The following OSBPL9 variants were observed in gnomAD, a reference collection of about 807,000 sequenced individuals.
OSBPL9 encodes oxysterol-binding protein-related protein 9.
OSBPL9 carries 40 observed loss-of-function variants against 106.6 expected under a neutral mutation model. The observed-to-expected ratio is 0.38, with a 90% CI of 0.29 to 0.49. OSBPL9 has a LOEUF of 0.49. Among genes scored for constraint, OSBPL9 ranks in the 20% least tolerant of loss-of-function variants. The probability of loss-of-function intolerance (pLI) is 0.97; values close to 1 mark genes in which losing one functional copy is unlikely to be tolerated. For synonymous variants in OSBPL9, 269 were observed against 295.4 expected, an observed-to-expected ratio of 0.91 and a Z score of 0.92; for missense variants, 609 against 887.2, an observed-to-expected ratio of 0.69 and a Z score of 3.98.
At chr1:51,720,330 C>CTT (rs1167647452) in intron 4 of OSBPL9, among the ~76,000 whole-genome samples, 9 of 144,222 alleles carry the variant, frequency 6.2e-5, no homozygotes, top group African/African-American at 1.8e-4. Context: ...TTCTTTTTCT[C>CTT]TTTTTTTTTT....
At chr1:51,683,983 GA>G (rs1017839084) in intron 3 of OSBPL9, among the ~76,000 whole-genome samples, 3 of 151,994 alleles carry the variant, frequency 2.0e-5, no homozygotes, top group Non-Finnish European at 4.4e-5. Context: ...TAGACAGGAG[GA>G]ATCAGTTCAA....
At chr1:51,687,687 G>A (rs1654107312) in intron 3 of OSBPL9, among the ~76,000 whole-genome samples, 1 of 152,190 alleles carries the variant, frequency 6.6e-6, no homozygotes. Context: ...AATGTAAGAA[G>A]TGTCCTATAT....
intron 2 of OSBPL9, among the ~76,000 whole-genome samples, chr1:51,656,953 A>G (rs1646857338): frequency 1.3e-5 from 2 of 152,092 alleles, no homozygotes; most frequent in African/African-American, 4.8e-5. Flanking sequence ...ATTGGAAATT[A>G]CAGGCACCAG....
At chr1:51,528,597 C>G in the OSBPL9 span, among the ~76,000 whole-genome samples, 1 of 151,696 alleles carries the variant, frequency 6.6e-6, no homozygotes, top group East Asian at 1.9e-4. Context: ...TCCAGCCCAG[C>G]ACAGTGGCTC....
chr1:51,617,095 AT>A lies in OSBPL9; in HGVS notation c.-14del. 4 of 1,592,496 alleles carry A rather than the reference AT, an allele frequency of 2.5e-6. No individual in the cohort carries two copies. The highest frequency in any genetic ancestry group is 3.4e-6 in the Non-Finnish European group (4 of 1,169,702). ...GAGTGACGTCAGGCCGTTTGTTGTC[AT>A]TGGCGGCTCCCAAGATGGCGTCCAT... On this transcript the variant is annotated 5_prime_UTR_variant, in exon 1 of 24. In the 5' UTR this introduces an upstream ATG that the reference lacks. Transcript: ENST00000428468.
chr1:51,588,985 TAAGCATGC>T (rs1387617027), intron 1 of OSBPL9, among the ~76,000 whole-genome samples: 1 of 152,198 alleles, frequency 6.6e-6, no homozygotes, highest in Non-Finnish European at 1.5e-5. Flanking sequence ...AGAGAGATAG[TAAGCATGC>T]AAAGGCTTAC....
chr1:51,654,933 A>C (rs1646727863), intron 2 of OSBPL9, among the ~76,000 whole-genome samples: 2 of 152,130 alleles, frequency 1.3e-5, no homozygotes, highest in African/African-American at 4.8e-5. Context: ...ATGGGGACTT[A>C]GTGTTTAATG....
At chr1:51,779,984 A>G (rs1675947422) in intron 15 of OSBPL9, among the ~76,000 whole-genome samples, 1 of 151,724 alleles carries the variant, frequency 6.6e-6, no homozygotes, top group Admixed American at 6.6e-5. Flanking sequence ...AGGCTGAGGC[A>G]GGAGAATGGC....
chr1:51,711,477 T>A (rs1389464303), intron 3 of OSBPL9, among the ~76,000 whole-genome samples: 1 of 93,726 alleles, frequency 1.1e-5, no homozygotes, highest in African/African-American at 3.8e-5. Flanking sequence ...CCCCCCCACC[T>A]CCCTCCCGGA....
intron 3 of OSBPL9, among the ~76,000 whole-genome samples, chr1:51,687,877 A>T (rs1654153983): frequency 1.3e-5 from 2 of 152,216 alleles, no homozygotes; most frequent in South Asian, 4.1e-4. Flanking sequence ...AACACTAGGA[A>T]CCAGAGTGAA....
chr1:51,756,033 A>T (rs1048894330), intron 8 of OSBPL9, among the ~76,000 whole-genome samples: 4 of 152,208 alleles, frequency 2.6e-5, no homozygotes, highest in Non-Finnish European at 2.9e-5. Flanking sequence ...TTTTGCCTGG[A>T]ATTTTGAATG....
intron 3 of OSBPL9, among the ~76,000 whole-genome samples, chr1:51,675,328 C>G (rs574929608): frequency 6.6e-6 from 1 of 151,360 alleles, no homozygotes; most frequent in Non-Finnish European, 1.5e-5. Flanking sequence ...TCAGATCATC[C>G]TTTTTTTTCC....
intron 9 of OSBPL9, chr1:51,760,355 T>C (rs1671227250): frequency 4.3e-6 from 1 of 234,774 alleles, no homozygotes; most frequent in Non-Finnish European, 8.4e-6. Context: ...GAAACAATAT[T>C]TGTGGTGAAT....
At chr1:51,691,763 GT>G (rs1488002386) in intron 3 of OSBPL9, among the ~76,000 whole-genome samples, 1 of 151,028 alleles carries the variant, frequency 6.6e-6, no homozygotes, top group Non-Finnish European at 1.5e-5. Context: ...ATGTTTTAAA[GT>G]TTGTTTTTTT....
intron 1 of OSBPL9, among the ~76,000 whole-genome samples, chr1:51,597,079 C>A (rs1214231713): frequency 2.6e-5 from 4 of 152,096 alleles, no homozygotes; most frequent in African/African-American, 4.8e-5. Flanking sequence ...GAAGAGGCAA[C>A]AAGTGCAAAG....
rs1671818511 is a variant in OSBPL9 at position 51,762,874 on chromosome 1, C to T, written c.778+903C>T. On this transcript the variant is annotated intron_variant, in intron 11 of 23. Coordinates refer to ENST00000428468, the MANE Select transcript of OSBPL9 (RefSeq NM_024586.6). ...GATGGAAGCAATACTTCAGTGATATCCTTGTACAGCACCTTTGGCATATGT... is the reference window on the plus strand; with the variant it reads ...GATGGAAGCAATACTTCAGTGATATTCTTGTACAGCACCTTTGGCATATGT... Among the ~76,000 whole-genome samples, 3 of 152,320 alleles carry T rather than the reference C, an allele frequency of 2.0e-5. No homozygotes were observed. In the South Asian group the frequency reaches 6.2e-4, roughly 32 times the overall value.
chr1:51,518,687 G>C, the OSBPL9 span, among the ~76,000 whole-genome samples: 2 of 152,192 alleles, frequency 1.3e-5, no homozygotes, highest in African/African-American at 4.8e-5. Context: ...GGAGAGGAAA[G>C]ACTGGCTTGG....
At chr1:51,735,454 C>G (rs1265109053) in intron 4 of OSBPL9, among the ~76,000 whole-genome samples, 1 of 151,894 alleles carries the variant, frequency 6.6e-6, no homozygotes, top group Admixed American at 6.6e-5. Flanking sequence ...ACTGCTTTAC[C>G]CCTCCCATTT....
chr1:51,663,331 G>A (rs1253554827), intron 2 of OSBPL9, among the ~76,000 whole-genome samples: 3 of 138,818 alleles, frequency 2.2e-5, no homozygotes, highest in East Asian at 2.3e-4. Flanking sequence ...TGTGTAAAAC[G>A]TGTGTAGCTG....
Sources: allele counts gnomAD v4.1 joint callset (sites outside exome capture counted in the v4.1 genomes callset), GRCh38; gene constraint gnomAD v4.1.1; transcripts MANE v1.5; gene names NCBI Gene and HGNC (gene_info 2026-07-23, HGNC 2026-07-21).